The following XPC variants were observed in gnomAD, a reference collection of about 807,000 sequenced individuals.
The protein encoded by XPC is DNA repair protein complementing XP-C cells.
In XPC, 76 loss-of-function variants were observed where a neutral mutation model predicts 95.8. That is an observed-to-expected ratio of 0.79 (90% CI 0.66 to 0.96). XPC has a LOEUF of 0.96. XPC is among the 40% of genes least tolerant of loss of function. The pLI is 0.00. For missense variants in XPC, 1,146 were observed against 1,179.8 expected (o/e 0.97, Z 0.42); for synonymous variants, 442 against 442.1 (o/e 1.00, Z 0.00).
intron 11 of XPC, chr3:14,149,908 A>G (rs1340145814): frequency 6.6e-6 from 1 of 152,260 alleles, no homozygotes. Flanking sequence ...CAGAGCCCAC[A>G]CTTTCATCCA....
rs1164237442 is a variant in XPC at position 14,165,473 on chromosome 3, A to C, written c.734T>G (p.Leu245Arg). 1 of 1,604,832 alleles carries C rather than the reference A, an allele frequency of 6.2e-7. No individual in the cohort carries two copies. The highest frequency in any genetic ancestry group is 8.5e-7 in the Non-Finnish European group (1 of 1,175,640). The change falls in exon 6 of 16, where the codon CTG becomes CGG. Residue 245 changes from leucine (L) to arginine (R), a missense_variant. By Grantham distance (102) the Leu-to-Arg change is moderately radical. Transcript: ENST00000285021. ...SIIPARFTRVLPRDVDTYYLS... is the reference protein window; with the variant it reads ...SIIPARFTRVRPRDVDTYYLS... ...GTAGTAGGTGTCCACATCTCGAGGC[A>C]GCACTCTGGTAAAGCGGGCTGGGAT...
intron 14 of XPC, chr3:14,147,656 C>CA (rs1695495132): frequency 5.0e-6 from 3 of 597,200 alleles, no homozygotes. Context: ...CAATTCAAGA[C>CA]AGAGGCAGGT....
At chr3:14,176,635 C>T (rs567015394) in intron 1 of XPC, among the ~76,000 whole-genome samples, 119 of 152,268 alleles carry the variant, frequency 7.8e-4, no homozygotes, top group Non-Finnish European at 1.3e-3. Context: ...TAAATCACCT[C>T]CTAAGTTTAC....
intron 7 of XPC, 84 bp from the exon 8 acceptor site, chr3:14,159,914 T>C: frequency 4.4e-6 from 6 of 1,361,158 alleles, no homozygotes; most frequent in African/African-American, 2.9e-5. Flanking sequence ...ATGGTGCTTG[T>C]TCAAGACAGG....
chr3:14,153,927 C>CT (rs1310709665), intron 10 of XPC, among the ~76,000 whole-genome samples: 2 of 152,232 alleles, frequency 1.3e-5, no homozygotes, highest in African/African-American at 4.8e-5. Flanking sequence ...GGCGGAACAT[C>CT]TTTGACTGCC....
rs749409144 is a variant in XPC at position 14,158,624 on chromosome 3, C to T, written c.1259G>A (p.Arg420Gln). Residue 420 changes from arginine to glutamine, a missense_variant, in exon 9 of 16, where the codon CGG (arginine) becomes CAG (glutamine). By Grantham distance (43) the Arg-to-Gln change is conservative. Coordinates refer to ENST00000285021, the MANE Select transcript of XPC (RefSeq NM_004628.5). This position sits in a 1 kb window ranked among gnomAD's most constrained non-coding sequence, Gnocchi z 5.2. The part of the protein sequence containing the change: ...EKATQRRPHG[R>Q]ERRVASRVSY... ...CACCCTGGAGGCCACCCGCCGCTCC[C>T]GGCCATGCGGACGTCGCTGGGTTGC... 15 of 1,613,776 alleles carry T rather than the reference C, an allele frequency of 9.3e-6. No homozygotes were observed. In the Admixed American group the frequency reaches 1.7e-4, roughly 18 times the overall value.
chr3:14,147,366 C>T lies in XPC; in HGVS notation c.2528G>A (p.Arg843Gln), dbSNP rs543120933. Residue 843 changes from arginine (R) to glutamine (Q), a missense_variant, in exon 15 of 16, where the codon CGG becomes CAG. Transcript: ENST00000285021. Reference sequence around the variant, plus strand: ...CAGCAACTTCCAGTTCCCTAGAGCCCGCTTCTCCTTTTTCTGCAGGCAAAA... The same window carrying T: ...CAGCAACTTCCAGTTCCCTAGAGCCTGCTTCTCCTTTTTCTGCAGGCAAAA... The part of the protein sequence containing the change: ...ERKEKEKKEK[R>Q]ALGNWKLLAK... The T allele has an allele frequency of 6.3e-5, 102 of 1,609,462 alleles. 1 individual carries two copies. The highest frequency in any genetic ancestry group is 6.1e-4 in the South Asian group (55 of 89,696).
chr3:14,170,398 C>T (rs753665208), intron 3 of XPC, 40 bp downstream of exon 3: 3 of 1,589,788 alleles, frequency 1.9e-6, no homozygotes, highest in South Asian at 1.1e-5. Flanking sequence ...AAAAAACAAA[C>T]AGAACCAAAC....
chr3:14,152,331 T>C lies in XPC; in HGVS notation c.2115+4A>G. On this transcript the variant is annotated splice_donor_region_variant and intron_variant, in intron 11 of 15. Transcript: ENST00000285021. ...CCCCACAGGGACCCCCCAGCTCCAG[T>C]TACCTTGTAGGGTACTTCTCCAAGC... 6.2e-7 allele frequency: 1 copy of C among 1,612,232 alleles called. No homozygotes were observed.
chr3:14,146,098 C>T lies in XPC; in HGVS notation c.2666G>A (p.Gly889Glu), dbSNP rs763832271. 1 of 1,612,050 alleles carries T rather than the reference C, an allele frequency of 6.2e-7. No homozygotes were observed. The highest frequency in any genetic ancestry group is 8.5e-7 in the Non-Finnish European group (1 of 1,179,424). ...GGCCGCTTCTGCTTGAGAGCTGGTC[C>T]CCTCCTCTTCATCAGAAGAGAGTCC... is the stretch of plus-strand genomic sequence containing the variant. ...GGGLSSDEEEGTSSQAEAARI... is the reference protein window; with the variant it reads ...GGGLSSDEEEETSSQAEAARI... Residue 889 changes from glycine to glutamate, a missense_variant, in exon 16 of 16, where the codon GGG becomes GAG. Coordinates refer to ENST00000285021, the MANE Select transcript of XPC (RefSeq NM_004628.5).
intron 10 of XPC, among the ~76,000 whole-genome samples, chr3:14,154,214 G>A (rs766391941): frequency 5.3e-5 from 8 of 152,166 alleles, no homozygotes; most frequent in African/African-American, 9.7e-5. Flanking sequence ...GTGCAGCTGC[G>A]GTGGAAATGG....
rs1574954439 is a variant in XPC, at chr3:14,152,325, C to G, written c.2115+10G>C. 5 of 1,611,414 alleles carry G rather than the reference C, an allele frequency of 3.1e-6. No homozygotes were observed. Among genetic ancestry groups the G allele is most frequent in the Non-Finnish European group, 3.4e-6 (4 of 1,178,850 alleles). On this transcript the variant is annotated intron_variant, in intron 11 of 15. Transcript: ENST00000285021. ...ACCACTCCCCACAGGGACCCCCCAG[C>G]TCCAGTTACCTTGTAGGGTACTTCT...
At chr3:14,147,470 T>A in intron 14 of XPC, 91 bp from the exon 15 acceptor site, 1 of 1,219,540 alleles carries the variant, frequency 8.2e-7, no homozygotes, top group Non-Finnish European at 1.2e-6. Context: ...TAAAGACAGA[T>A]ATATACACCA....
In XPC at chr3:14,152,433, G is replaced by A. The variant is rs186316910; in HGVS notation, c.2034-17C>T. 1.3e-4 allele frequency: 206 copies of A among 1,603,298 alleles called. 2 individuals are homozygous for A. The African/African-American group carries it at 2.6e-3, about 20-fold the overall frequency. On this transcript the variant is annotated splice_polypyrimidine_tract_variant and intron_variant, in intron 10 of 15. Transcript: ENST00000285021. ...ACACAATCCCTGTGGAACCAACACA[G>A]GACACAAAGGTAACTCAGTCCACAG...
chr3:14,176,669 C>T (rs1381118016), intron 1 of XPC, among the ~76,000 whole-genome samples: 1 of 152,168 alleles, frequency 6.6e-6, no homozygotes, highest in African/African-American at 2.4e-5. Flanking sequence ...TTCACTATTT[C>T]CTAATGGATG....
chr3:14,153,808 C>T (rs1213819719), intron 10 of XPC, among the ~76,000 whole-genome samples: 1 of 152,214 alleles, frequency 6.6e-6, no homozygotes, highest in African/African-American at 2.4e-5. Context: ...GCCCTTTCTA[C>T]CGCACATGGT....
intron 2 of XPC, among the ~76,000 whole-genome samples, chr3:14,171,457 G>T (rs189596632): frequency 5.4e-4 from 82 of 152,312 alleles, no homozygotes; most frequent in Non-Finnish European, 1.0e-3. Flanking sequence ...TGGCAGTATC[G>T]TGGCCTATCT....
In XPC at chr3:14,151,191, G is replaced by C. The variant is rs188441564; in HGVS notation, c.2115+1144C>G. On this transcript the variant is annotated intron_variant, in intron 11 of 15. Coordinates refer to ENST00000285021, the MANE Select transcript of XPC (RefSeq NM_004628.5). ...TGCACACCTGAAACGTGGCTGGTCTGAACTAAGGTACAGAAAGTCAAATAC... is the reference window on the plus strand; with the variant it reads ...TGCACACCTGAAACGTGGCTGGTCTCAACTAAGGTACAGAAAGTCAAATAC... 3.9e-5 allele frequency among the ~76,000 whole-genome samples: 6 copies of C among 152,282 alleles called. No homozygotes were observed. The South Asian group carries it at 1.2e-3, about 32-fold the overall frequency.
At chr3:14,177,705 ATT>A (rs34014908) in intron 1 of XPC, among the ~76,000 whole-genome samples, 7,812 of 146,864 alleles carry the variant, frequency 0.053, 444 homozygotes, top group East Asian at 0.23. Context: ...GCAGGGCATG[ATT>A]TTTTTTTTTT....
Sources: allele counts gnomAD v4.1 joint callset (sites outside exome capture counted in the v4.1 genomes callset), GRCh38; gene constraint gnomAD v4.1.1; non-coding constraint Gnocchi (gnomAD v3.1); transcripts MANE v1.5; gene names NCBI Gene and HGNC (gene_info 2026-07-23, HGNC 2026-07-21).